The following SH3RF3 variants were observed in gnomAD, a reference collection of about 807,000 sequenced individuals.
The protein encoded by SH3RF3 is E3 ubiquitin-protein ligase SH3RF3.
In SH3RF3, 29 loss-of-function variants were observed where a neutral mutation model predicts 66.3. The observed-to-expected ratio is 0.44, with a 90% CI of 0.33 to 0.60. The LOEUF (loss-of-function observed/expected upper bound fraction) is 0.60. Among genes scored for constraint, SH3RF3 ranks in the 20% least tolerant of loss-of-function variants. The probability of loss-of-function intolerance (pLI) is 0.04; values close to 1 mark genes in which losing one functional copy is unlikely to be tolerated. For missense variants in SH3RF3, 1,194 were observed against 1,190.9 expected (o/e 1.00, Z -0.04); for synonymous variants, 583 against 532.0 (o/e 1.10, Z -1.32).
chr2:109,433,464 G>A lies in SH3RF3; in HGVS notation c.1574+793G>A, dbSNP rs140227736. ...CGCTGAGATGAGGATCCACAGCTTGGTGATATCAGTCAGCCTCACTCACAG... is the reference window on the plus strand; with the variant it reads ...CGCTGAGATGAGGATCCACAGCTTGATGATATCAGTCAGCCTCACTCACAG... On this transcript the variant is annotated intron_variant, in intron 6 of 9. Transcript: ENST00000309415. 3.3e-3 allele frequency among the ~76,000 whole-genome samples: 498 copies of A among 152,348 alleles called. 3 individuals carry two copies. The highest frequency in any genetic ancestry group is 4.9e-3 in the Non-Finnish European group (334 of 68,026).
intron 1 of SH3RF3, among the ~76,000 whole-genome samples, chr2:109,246,021 G>C (rs1374242475): frequency 1.3e-5 from 2 of 152,202 alleles, no homozygotes; most frequent in Non-Finnish European, 2.9e-5. Context: ...AAAGAGCATG[G>C]ATTTTTGAAA....
intron 2 of SH3RF3, among the ~76,000 whole-genome samples, chr2:109,349,365 T>A (rs1376372074): frequency 2.0e-5 from 3 of 152,222 alleles, no homozygotes. Flanking sequence ...CCGATTGTCA[T>A]CTGGCTGCAC....
At chr2:109,333,707 C>A (rs2105498439) in intron 1 of SH3RF3, among the ~76,000 whole-genome samples, 1 of 152,270 alleles carries the variant, frequency 6.6e-6, no homozygotes, top group South Asian at 2.1e-4. Flanking sequence ...AATTCTGAAA[C>A]CAAACTGCTA....
chr2:109,419,941 C>T (rs759815337), intron 5 of SH3RF3, among the ~76,000 whole-genome samples: 24 of 152,196 alleles, frequency 1.6e-4, no homozygotes, highest in Non-Finnish European at 3.1e-4. Flanking sequence ...GCAAGCTCTC[C>T]ATAGCATGGA....
intron 1 of SH3RF3, among the ~76,000 whole-genome samples, chr2:109,288,670 G>A (rs973230622): frequency 2.0e-5 from 3 of 152,096 alleles, no homozygotes; most frequent in Non-Finnish European, 2.9e-5. Context: ...ACTCAATTAC[G>A]TTTTTTTCTC....
At chr2:109,278,684 C>T (rs1456776258) in intron 1 of SH3RF3, among the ~76,000 whole-genome samples, 1 of 152,216 alleles carries the variant, frequency 6.6e-6, no homozygotes. Flanking sequence ...CTGAATTTTA[C>T]CTTCTTTGGA....
At chr2:109,239,450 T>G (rs10207960) in intron 1 of SH3RF3, among the ~76,000 whole-genome samples, 24,345 of 152,234 alleles carry the variant, frequency 0.16, 3,829 homozygotes, top group African/African-American at 0.4. Flanking sequence ...CCCTGCTCCT[T>G]GCCTCCAATC....
chr2:109,487,407 C>T (rs1471939897), intron 8 of SH3RF3, among the ~76,000 whole-genome samples: 2 of 152,190 alleles, frequency 1.3e-5, no homozygotes, highest in Admixed American at 1.3e-4. Flanking sequence ...ATTGTTAGTA[C>T]TGGGAATTCC....
chr2:109,447,656 A>G (rs1677748726), intron 7 of SH3RF3, among the ~76,000 whole-genome samples: 1 of 152,160 alleles, frequency 6.6e-6, no homozygotes, highest in Non-Finnish European at 1.5e-5. Flanking sequence ...ACAAGTCACC[A>G]TTCCCCTGGG....
intron 1 of SH3RF3, among the ~76,000 whole-genome samples, chr2:109,210,568 C>T (rs1371795558): frequency 6.6e-6 from 1 of 152,122 alleles, no homozygotes; most frequent in African/African-American, 2.4e-5. Context: ...GGGCAAATGG[C>T]CTAAGCAGGT....
chr2:109,394,246 G>A (rs72943394), intron 3 of SH3RF3, among the ~76,000 whole-genome samples: 3,441 of 152,330 alleles, frequency 0.023, 138 homozygotes, highest in African/African-American at 0.078. Context: ...ACAAAGTGTT[G>A]GGAGGGGCTT....
rs150418034 is a variant in SH3RF3 at position 109,379,571 on chromosome 2, C to T, written c.945+7890C>T. On this transcript the variant is annotated intron_variant, in intron 3 of 9. Coordinates refer to ENST00000309415, the MANE Select transcript of SH3RF3 (RefSeq NM_001099289.3). Reference sequence around the variant, plus strand: ...AGGAAAAATACTCAGGGATGTCTGCCAGGGAACGCTGGGGAAGATGCAGTT... The same window carrying T: ...AGGAAAAATACTCAGGGATGTCTGCTAGGGAACGCTGGGGAAGATGCAGTT... 3.2e-3 allele frequency among the ~76,000 whole-genome samples: 494 copies of T among 152,334 alleles called. 3 individuals are homozygous for T. Among genetic ancestry groups the T allele is most frequent in the African/African-American group, 0.011 (456 of 41,574 alleles).
rs1185644268 is a variant in SH3RF3 at position 109,503,559 on chromosome 2, G to C, written c.*1888G>C. ...TGTGCCAGGTTAATGACAACCAAAA[G>C]CTCTCTATTTACCATTATTGCCAAA... On this transcript the variant is annotated 3_prime_UTR_variant, in exon 10 of 10. Coordinates refer to ENST00000309415, the MANE Select transcript of SH3RF3 (RefSeq NM_001099289.3). The C allele has an allele frequency of 2.0e-5, 3 of 152,130 alleles. No homozygotes were observed. Among genetic ancestry groups the C allele is most frequent in the African/African-American group, 7.2e-5 (3 of 41,418 alleles). 9.4% of individuals were successfully genotyped at this position (152,130 alleles called of 1,614,324 possible). A position where few individuals can be genotyped will look rare whatever the true frequency, so the allele number is the denominator to read the frequency against.
intron 1 of SH3RF3, among the ~76,000 whole-genome samples, chr2:109,247,123 G>A (rs1679936427): frequency 6.6e-6 from 1 of 152,184 alleles, no homozygotes; most frequent in Non-Finnish European, 1.5e-5. Context: ...TCCCATGGGT[G>A]TATGGATATT....
In SH3RF3 at chr2:109,345,968, A is replaced by G. The variant is rs374929541; in HGVS notation, c.574-1706A>G. Among the ~76,000 whole-genome samples the G allele has an allele frequency of 9.8e-5, 15 of 152,318 alleles. No individual in the cohort carries two copies. In the South Asian group the frequency reaches 2.9e-3, roughly 29 times the overall value. ...ATATCTTCAGACCAAATTGTCCCAA[A>G]TTAAGATTCCCTGGCTGGCGGCTGA... is the stretch of plus-strand genomic sequence containing the variant. On this transcript the variant is annotated intron_variant, in intron 1 of 9. Coordinates refer to ENST00000309415, the MANE Select transcript of SH3RF3 (RefSeq NM_001099289.3).
chr2:109,166,897 T>G (rs1216836158), intron 1 of SH3RF3, among the ~76,000 whole-genome samples: 1 of 152,260 alleles, frequency 6.6e-6, no homozygotes, highest in African/African-American at 2.4e-5. Context: ...CTTACTACTT[T>G]AAAACATGCC....
At chr2:109,286,684 C>G (rs1366770100) in intron 1 of SH3RF3, among the ~76,000 whole-genome samples, 1 of 152,204 alleles carries the variant, frequency 6.6e-6, no homozygotes, top group African/African-American at 2.4e-5. Context: ...TGGCATAGCT[C>G]ATCTGCTAGC....
intron 1 of SH3RF3, among the ~76,000 whole-genome samples, chr2:109,153,707 G>A (rs976147638): frequency 2.0e-5 from 3 of 152,220 alleles, no homozygotes; most frequent in Non-Finnish European, 2.9e-5. Flanking sequence ...TCTCCAGGGT[G>A]TGTACTTGTC....
chr2:109,249,561 TTCCTTCCTTCCTTCCTTCCTTC>T (rs1680025097), intron 1 of SH3RF3, among the ~76,000 whole-genome samples: 4 of 138,436 alleles, frequency 2.9e-5, no homozygotes, highest in Admixed American at 7.2e-5. Flanking sequence ...CCTTCCTTCC[TTCCTTCCTTCCTTCCTTCCTTC>T]CTTTCCTTTC....
Sources: allele counts gnomAD v4.1 joint callset (sites outside exome capture counted in the v4.1 genomes callset), GRCh38; gene constraint gnomAD v4.1.1; transcripts MANE v1.5; gene names NCBI Gene and HGNC (gene_info 2026-07-23, HGNC 2026-07-21).